GPC6: variants seen among roughly 807,000 people sequenced by gnomAD.
The protein encoded by GPC6 is glypican-6.
In GPC6, 14 loss-of-function variants were observed where a neutral mutation model predicts 55.2. The observed-to-expected ratio is 0.25, with a 90% CI of 0.17 to 0.40. The LOEUF is 0.40. GPC6 is among the 10% of genes least tolerant of loss of function. The pLI, the probability that GPC6 is intolerant of heterozygous loss-of-function variation, is 1.00. For synonymous variants in GPC6, 278 were observed against 259.6 expected, an observed-to-expected ratio of 1.07 and a Z score of -0.68; for missense variants, 641 against 708.5, an observed-to-expected ratio of 0.90 and a Z score of 1.08.
intron 3 of GPC6, among the ~76,000 whole-genome samples, chr13:93,942,438 G>A (rs2140364377): frequency 6.6e-6 from 1 of 152,258 alleles, no homozygotes; most frequent in East Asian, 1.9e-4. Context: ...TCCCACCTCA[G>A]CCTCCTGAGG....
chr13:93,844,143 C>A (rs1462570632), intron 3 of GPC6, among the ~76,000 whole-genome samples: 3 of 151,850 alleles, frequency 2.0e-5, no homozygotes, highest in Non-Finnish European at 4.4e-5. Context: ...GGTGTAAACA[C>A]TGTTTCTTTT....
chr13:93,823,639 T>C (rs1364461889), intron 2 of GPC6, among the ~76,000 whole-genome samples: 1 of 152,202 alleles, frequency 6.6e-6, no homozygotes, highest in Non-Finnish European at 1.5e-5. Flanking sequence ...ACTTTTCTCC[T>C]AAAATATGAC....
At chr13:94,203,943 T>C (rs1424393484) in intron 4 of GPC6, among the ~76,000 whole-genome samples, 2 of 152,134 alleles carry the variant, frequency 1.3e-5, no homozygotes, top group African/African-American at 4.8e-5. Flanking sequence ...GAACCAGAGA[T>C]GGGATGAATT....
chr13:94,016,200 T>C (rs1882460589), intron 3 of GPC6, among the ~76,000 whole-genome samples: 1 of 152,252 alleles, frequency 6.6e-6, no homozygotes, highest in African/African-American at 2.4e-5. Flanking sequence ...ACTCATGATG[T>C]AGCATATGAT....
chr13:93,783,005 G>A (rs1341937508), intron 2 of GPC6, among the ~76,000 whole-genome samples: 2 of 152,072 alleles, frequency 1.3e-5, no homozygotes, highest in Non-Finnish European at 1.5e-5. Flanking sequence ...CCCAGTGTGT[G>A]TCGTTCCCAC....
In GPC6 at chr13:93,227,563, C is replaced by T. The variant is rs1393044039; in HGVS notation, c.107C>T (p.Ala36Val). The T allele has an allele frequency of 6.2e-7, 1 of 1,612,818 alleles. No individual in the cohort carries two copies. The highest frequency in any genetic ancestry group is 1.7e-5 in the Admixed American group (1 of 60,028). ...KARSCGEVRQAYGAKGFSLAD... is the reference protein window; with the variant it reads ...KARSCGEVRQVYGAKGFSLAD... ...CGGAGCTGCGGAGAGGTCCGCCAGG[C>T]GTACGGTGCCAAGGGATTCAGCCTG... Residue 36 changes from alanine (A) to valine (V), a missense_variant, in exon 1 of 9, where the codon GCG becomes GTG. Coordinates refer to ENST00000377047, the MANE Select transcript of GPC6 (RefSeq NM_005708.5). This position sits in a 1 kb window ranked among gnomAD's most constrained non-coding sequence, Gnocchi z 4.3.
intron 4 of GPC6, among the ~76,000 whole-genome samples, chr13:94,041,595 A>G (rs1302029156): frequency 6.6e-6 from 1 of 151,886 alleles, no homozygotes; most frequent in Non-Finnish European, 1.5e-5. Flanking sequence ...AAATCTTAAC[A>G]TTCTCCTGAA....
intron 2 of GPC6, among the ~76,000 whole-genome samples, chr13:93,666,539 C>T (rs1039220989): frequency 1.8e-4 from 28 of 152,090 alleles, no homozygotes; most frequent in African/African-American, 6.5e-4. Flanking sequence ...GCATCTAGCA[C>T]AGTGCCTCAT....
chr13:93,405,417 T>G (rs1399244086), intron 1 of GPC6, among the ~76,000 whole-genome samples: 1 of 152,184 alleles, frequency 6.6e-6, no homozygotes, highest in Admixed American at 6.6e-5. Flanking sequence ...ACTGCAGTAT[T>G]AGAGAAATCC....
chr13:94,344,066 C>A (rs1404648231), intron 6 of GPC6, among the ~76,000 whole-genome samples: 1 of 152,088 alleles, frequency 6.6e-6, no homozygotes. Context: ...TTTTCCTCCT[C>A]AGAAAAGAAT....
At chr13:93,912,569 C>G (rs187695495) in intron 3 of GPC6, among the ~76,000 whole-genome samples, 3,517 of 152,112 alleles carry the variant, frequency 0.023, 52 homozygotes, top group Middle Eastern at 0.037. Context: ...CGGTGAAACC[C>G]CATCTCTACT....
chr13:93,642,599 T>A (rs1880000553), intron 2 of GPC6, among the ~76,000 whole-genome samples: 1 of 152,082 alleles, frequency 6.6e-6, no homozygotes, highest in Non-Finnish European at 1.5e-5. Flanking sequence ...TTCATTTTTA[T>A]CACTGTGATT....
chr13:94,072,661 A>G (rs1884777888), intron 4 of GPC6, among the ~76,000 whole-genome samples: 1 of 152,186 alleles, frequency 6.6e-6, no homozygotes, highest in African/African-American at 2.4e-5. Flanking sequence ...CGCCCCTTGT[A>G]TATAGACTTA....
chr13:93,245,911 C>T (rs1352895136), intron 1 of GPC6, among the ~76,000 whole-genome samples: 18 of 152,198 alleles, frequency 1.2e-4, no homozygotes, highest in Admixed American at 1.2e-3. Flanking sequence ...ATTCTTCTTC[C>T]TAAGTAGAAT....
chr13:93,811,955 A>T (rs1426644028), intron 2 of GPC6, among the ~76,000 whole-genome samples: 1 of 152,100 alleles, frequency 6.6e-6, no homozygotes, highest in Non-Finnish European at 1.5e-5. Context: ...GGCATATCTC[A>T]GCTGACCTTG....
At chr13:93,238,846 A>G (rs1465350645) in intron 1 of GPC6, among the ~76,000 whole-genome samples, 1 of 152,076 alleles carries the variant, frequency 6.6e-6, no homozygotes, top group East Asian at 1.9e-4. Flanking sequence ...TGCTAAAATG[A>G]CCATATAGCT....
intron 3 of GPC6, among the ~76,000 whole-genome samples, chr13:93,924,691 CTTTT>C (rs1427887578): frequency 8.4e-6 from 1 of 119,090 alleles, no homozygotes; most frequent in East Asian, 2.4e-4. Context: ...TTTTTTCTTT[CTTTT>C]CTTTTTTTTT....
At chr13:93,411,933 G>A (rs543744444) in intron 1 of GPC6, among the ~76,000 whole-genome samples, 31 of 151,430 alleles carry the variant, frequency 2.0e-4, no homozygotes, top group Non-Finnish European at 3.7e-4. Flanking sequence ...AACCTGGGAG[G>A]CAGAGGTCGC....
At chr13:94,123,315 T>G (rs1468518033) in intron 4 of GPC6, among the ~76,000 whole-genome samples, 2 of 152,042 alleles carry the variant, frequency 1.3e-5, no homozygotes, top group African/African-American at 2.4e-5. Context: ...TGCATTCAAT[T>G]TGAAGGAAAA....
Sources: gnomAD v4.1 joint callset for allele counts (sites outside exome capture counted in the v4.1 genomes callset) on GRCh38, gnomAD v4.1.1 for gene constraint, Gnocchi (gnomAD v3.1) non-coding constraint, MANE v1.5 for transcripts, NCBI Gene and HGNC (gene_info 2026-07-23, HGNC 2026-07-21) for gene names.